SFMBT1: variants seen among roughly 807,000 people sequenced by gnomAD.
SFMBT1 encodes the protein Scm like with four mbt domains 1.
In SFMBT1, 32 loss-of-function variants were observed where a neutral mutation model predicts 108.7. The observed-to-expected ratio is 0.29, with a 90% CI of 0.22 to 0.40. The LOEUF (loss-of-function observed/expected upper bound fraction) is 0.40. Among genes scored for constraint, SFMBT1 ranks in the 10% least tolerant of loss-of-function variants. The pLI, the probability that SFMBT1 is intolerant of heterozygous loss-of-function variation, is 1.00. For synonymous variants in SFMBT1, 348 were observed against 369.5 expected (o/e 0.94, Z 0.67); for missense variants, 816 against 1,059.6 (o/e 0.77, Z 3.19).
chr3:52,984,121 G>C (rs959638111), intron 1 of SFMBT1, among the ~76,000 whole-genome samples: 1 of 152,292 alleles, frequency 6.6e-6, no homozygotes, highest in East Asian at 1.9e-4. Flanking sequence ...TAAGCAACTG[G>C]AAGGATAGAA....
chr3:52,936,421 C>A (rs1703010605), intron 4 of SFMBT1, among the ~76,000 whole-genome samples: 1 of 152,156 alleles, frequency 6.6e-6, no homozygotes, highest in Non-Finnish European at 1.5e-5. Flanking sequence ...GGTTTTGTTT[C>A]AAAATTTCAC....
At chr3:52,938,812 TA>T (rs1703100086) in intron 4 of SFMBT1, among the ~76,000 whole-genome samples, 2 of 152,238 alleles carry the variant, frequency 1.3e-5, no homozygotes, top group African/African-American at 2.4e-5. Flanking sequence ...GCTATACATA[TA>T]TTTAATGTTT....
In SFMBT1 at chr3:52,926,128, A is replaced by T. The variant is rs555754506; in HGVS notation, c.1049-15T>A. On this transcript the variant is annotated splice_polypyrimidine_tract_variant and intron_variant, in intron 9 of 20. Transcript: ENST00000394752. ...GCTTGGGTAGCCTAGGTGGGGACAA[A>T]TGAACAATGAGTCACACTACCACAC... 1.2e-6 allele frequency: 2 copies of T among 1,605,544 alleles called. No individual in the cohort carries two copies. Among genetic ancestry groups the T allele is most frequent in the Admixed American group, 1.7e-5 (1 of 58,836 alleles).
intron 2 of SFMBT1, among the ~76,000 whole-genome samples, chr3:52,959,528 C>T (rs948567777): frequency 4.6e-5 from 7 of 152,196 alleles, no homozygotes; most frequent in African/African-American, 1.7e-4. Flanking sequence ...TTTAATCATA[C>T]TCTTTCTACA....
At chr3:53,003,053 C>G (rs1413288481) in intron 1 of SFMBT1, among the ~76,000 whole-genome samples, 1 of 130,332 alleles carries the variant, frequency 7.7e-6, no homozygotes, top group Non-Finnish European at 1.6e-5. Flanking sequence ...ACCCAGGAGG[C>G]AGAGGCTGCA....
intron 14 of SFMBT1, among the ~76,000 whole-genome samples, chr3:52,914,224 C>T (rs1702285775): frequency 1.3e-5 from 2 of 152,080 alleles, no homozygotes; most frequent in Admixed American, 1.3e-4. Flanking sequence ...CAATACTGTC[C>T]TTCAATTTAA....
chr3:53,013,128 T>C (rs1379843894), intron 1 of SFMBT1, among the ~76,000 whole-genome samples: 1 of 151,802 alleles, frequency 6.6e-6, no homozygotes, highest in Middle Eastern at 3.2e-3. Context: ...CTGGATTTGA[T>C]TATAATGTTG....
chr3:53,019,386 TG>T (rs34706485), intron 1 of SFMBT1, among the ~76,000 whole-genome samples: 43,627 of 141,792 alleles, frequency 0.31, 6,767 homozygotes, highest in East Asian at 0.46. Context: ...TGTGTGTGTG[TG>T]GGGGGGGTAT....
At position 52,943,340 on chromosome 3, in the gene SFMBT1, A is replaced by G. The variant is rs368375293; in HGVS notation, c.364+13T>C. The G allele has an allele frequency of 1.4e-4, 219 of 1,614,096 alleles. 3 individuals carry two copies. In the South Asian group the frequency reaches 2.2e-3, roughly 17 times the overall value. On this transcript the variant is annotated intron_variant, in intron 4 of 20. Coordinates refer to ENST00000394752, the MANE Select transcript of SFMBT1 (RefSeq NM_016329.4). ...AAAATCACGTCACGTCTTGATAGGA[A>G]GTATTTCATTACCTTCTGGGGCTTC...
At chr3:53,034,580 A>C (rs980849471) in intron 1 of SFMBT1, among the ~76,000 whole-genome samples, 1 of 152,100 alleles carries the variant, frequency 6.6e-6, no homozygotes, top group Admixed American at 6.6e-5. Context: ...GTTTCAAAAA[A>C]TAAATAAATT....
At chr3:53,039,152 G>T (rs964645793) in intron 1 of SFMBT1, among the ~76,000 whole-genome samples, 1 of 152,184 alleles carries the variant, frequency 6.6e-6, no homozygotes, top group African/African-American at 2.4e-5. Flanking sequence ...TAAGGACAAG[G>T]TACCTGGTTC....
chr3:52,907,493 C>A, intron 18 of SFMBT1, 62 bp downstream of exon 18: 1 of 1,555,962 alleles, frequency 6.4e-7, no homozygotes, highest in Non-Finnish European at 8.7e-7. Context: ...ATTCTGTGTC[C>A]ATACTATAAA....
At chr3:52,944,402 T>C (rs62253605) in intron 3 of SFMBT1, among the ~76,000 whole-genome samples, 40,955 of 152,088 alleles carry the variant, frequency 0.27, 6,394 homozygotes, top group East Asian at 0.48. Flanking sequence ...GAACGAATAA[T>C]AGAGATGGAG....
chr3:53,021,832 G>A (rs1373545355), intron 1 of SFMBT1, among the ~76,000 whole-genome samples: 1 of 152,094 alleles, frequency 6.6e-6, no homozygotes, highest in Non-Finnish European at 1.5e-5. Flanking sequence ...GCACGCAGAA[G>A]GGGAAAATAT....
chr3:52,994,075 T>C (rs985685569), intron 1 of SFMBT1, among the ~76,000 whole-genome samples: 8 of 150,414 alleles, frequency 5.3e-5, no homozygotes, highest in Non-Finnish European at 1.2e-4. Context: ...AAGCCATTAC[T>C]GCAGAGGAAA....
intron 1 of SFMBT1, among the ~76,000 whole-genome samples, chr3:52,972,023 T>A (rs1704364904): frequency 6.6e-6 from 1 of 152,246 alleles, no homozygotes; most frequent in Non-Finnish European, 1.5e-5. Flanking sequence ...AGGTTCAAAT[T>A]TCTATGGCTC....
intron 1 of SFMBT1, among the ~76,000 whole-genome samples, chr3:53,007,882 C>T (rs1001853895): frequency 3.9e-5 from 6 of 152,050 alleles, no homozygotes; most frequent in South Asian, 2.1e-4. Context: ...GCCAAAGATA[C>T]GCAACCTGAG....
intron 1 of SFMBT1, among the ~76,000 whole-genome samples, chr3:53,036,860 G>C (rs367893227): frequency 6.6e-6 from 1 of 152,172 alleles, no homozygotes; most frequent in African/African-American, 2.4e-5. Context: ...GGTGGCTTAC[G>C]GGGCCACAGA....
rs1702208341 is a variant in SFMBT1, at chr3:52,911,239, CAAACATATT to C, written c.1731-70_1731-62del. 3.0e-5 allele frequency: 45 copies of C among 1,492,578 alleles called. No homozygotes were observed. In the South Asian group the frequency reaches 5.7e-4, roughly 19 times the overall value. The allele number at this position is 1,492,578 out of a possible 1,614,324, so 92.5% of individuals were successfully genotyped here. ...GGCTAATGATTACCCAGAGAAAAAT[CAAACATATT>C]AATACACCTAAAAAATATTTTTGCT... On this transcript the variant is annotated intron_variant, in intron 16 of 20. Coordinates refer to ENST00000394752, the MANE Select transcript of SFMBT1 (RefSeq NM_016329.4).
Sources: allele counts gnomAD v4.1 joint callset (sites outside exome capture counted in the v4.1 genomes callset), GRCh38; gene constraint gnomAD v4.1.1; transcripts MANE v1.5; gene names NCBI Gene and HGNC (gene_info 2026-07-23, HGNC 2026-07-21).